The following LMNTD1 variants were observed in gnomAD, a reference collection of about 807,000 sequenced individuals.
The protein encoded by LMNTD1 is lamin tail domain containing 1.
A neutral mutation model predicts 50.9 loss-of-function variants in LMNTD1; 35 were observed. The ratio of observed to expected loss-of-function variants is 0.69; its 90% CI spans 0.53 to 0.91. LMNTD1 has a LOEUF of 0.91. Ranked by LOEUF, LMNTD1 falls within the 40% of genes least tolerant of loss-of-function variation. LMNTD1 has a pLI of 0.00. For missense variants in LMNTD1, 470 were observed against 475.5 expected, an observed-to-expected ratio of 0.99 and a Z score of 0.11; for synonymous variants, 153 against 161.9, an observed-to-expected ratio of 0.94 and a Z score of 0.42.
chr12:25,519,047 G>A, intron 7 of LMNTD1, 80 bp from the exon 8 acceptor site: 1 of 1,323,844 alleles, frequency 7.6e-7, no homozygotes, highest in Non-Finnish European at 1.1e-6. Flanking sequence ...AATTAAAGGG[G>A]AAGCATATTT....
chr12:25,641,130 C>T (rs1208993080), intron 1 of LMNTD1, among the ~76,000 whole-genome samples: 1 of 152,074 alleles, frequency 6.6e-6, no homozygotes, highest in Non-Finnish European at 1.5e-5. Context: ...ATGTACTCAA[C>T]CAGTATGTTT....
chr12:25,571,755 T>C (rs7968758), intron 1 of LMNTD1, among the ~76,000 whole-genome samples: 122,838 of 151,972 alleles, frequency 0.81, 51,689 homozygotes, highest in South Asian at 0.93. Flanking sequence ...CTGCAAGCTC[T>C]GCCTCCCGGG....
intron 1 of LMNTD1, among the ~76,000 whole-genome samples, chr12:25,621,836 G>A (rs761510076): frequency 7.2e-5 from 11 of 152,180 alleles, no homozygotes; most frequent in South Asian, 4.1e-4. Flanking sequence ...GAAGTGGGCC[G>A]TGGAGAAGAC....
chr12:25,612,326 A>ATGCG (rs1555122444), intron 1 of LMNTD1, among the ~76,000 whole-genome samples: 1 of 104,572 alleles, frequency 9.6e-6, no homozygotes, highest in Non-Finnish European at 2.2e-5. Context: ...ACACACACAC[A>ATGCG]CACGCGCTCC....
At chr12:25,519,587 C>CAAAA (rs58304861) in intron 7 of LMNTD1, among the ~76,000 whole-genome samples, 30 of 94,704 alleles carry the variant, frequency 3.2e-4, no homozygotes, top group Admixed American at 9.6e-4. Flanking sequence ...GACTCTGTCT[C>CAAAA]AAAAAAAAAA....
intron 6 of LMNTD1, among the ~76,000 whole-genome samples, chr12:25,523,390 TA>T (rs1941486072): frequency 6.6e-6 from 1 of 152,228 alleles, no homozygotes. Flanking sequence ...CTTACAAATA[TA>T]AAATATTATT....
chr12:25,641,467 G>A (rs188795482), intron 1 of LMNTD1, among the ~76,000 whole-genome samples: 4 of 152,128 alleles, frequency 2.6e-5, no homozygotes, highest in Admixed American at 2.6e-4. Flanking sequence ...TGTGACCTGA[G>A]GTAAGTATTT....
intron 1 of LMNTD1, among the ~76,000 whole-genome samples, chr12:25,579,806 C>T (rs544599061): frequency 6.6e-6 from 1 of 152,070 alleles, no homozygotes; most frequent in Non-Finnish European, 1.5e-5. Context: ...GCATCCATCC[C>T]CTTCTCTTTT....
chr12:25,567,471 T>G (rs902516416), intron 1 of LMNTD1, among the ~76,000 whole-genome samples: 3 of 152,224 alleles, frequency 2.0e-5, no homozygotes, highest in African/African-American at 7.2e-5. Flanking sequence ...TCTCATTTTA[T>G]TCTTATAATG....
At chr12:25,551,598 C>T (rs576224000) in intron 2 of LMNTD1, among the ~76,000 whole-genome samples, 1 of 152,120 alleles carries the variant, frequency 6.6e-6, no homozygotes, top group Admixed American at 6.5e-5. Context: ...GCTATGTTGC[C>T]CGGGCTGTCT....
rs1943848467 is a variant in LMNTD1 at position 25,552,864 on chromosome 12, T to C, written c.89+7A>G. 14 of 1,493,734 alleles carry C rather than the reference T, an allele frequency of 9.4e-6. No homozygotes were observed. Among genetic ancestry groups the C allele is most frequent in the Non-Finnish European group, 1.2e-5 (13 of 1,094,140 alleles). 92.5% of individuals were successfully genotyped at this position (1,493,734 alleles called of 1,614,324 possible). ...ACTCTGCTTCCATCGCATCTATGCA[T>C]GCTCACTGTTTTTGTTTCTCATTCT... On this transcript the variant is annotated splice_region_variant and intron_variant, in intron 2 of 9. Transcript: ENST00000458174.
At chr12:25,529,826 A>T (rs559456895) in intron 4 of LMNTD1, among the ~76,000 whole-genome samples, 3 of 152,216 alleles carry the variant, frequency 2.0e-5, no homozygotes, top group African/African-American at 7.2e-5. Flanking sequence ...CACAGCACTC[A>T]AACAAAGCCC....
chr12:25,630,926 G>A (rs1056469769), intron 1 of LMNTD1, among the ~76,000 whole-genome samples: 14 of 152,108 alleles, frequency 9.2e-5, no homozygotes, highest in African/African-American at 2.9e-4. Context: ...AGCCTGTCTC[G>A]CCCACTGGCC....
intron 1 of LMNTD1, among the ~76,000 whole-genome samples, chr12:25,635,577 T>C (rs1445207398): frequency 2.0e-5 from 3 of 152,094 alleles, no homozygotes; most frequent in Non-Finnish European, 4.4e-5. Flanking sequence ...AATCTACAAA[T>C]TCAAGGCAAT....
intron 8 of LMNTD1, among the ~76,000 whole-genome samples, chr12:25,510,085 A>G (rs944398692): frequency 6.6e-6 from 1 of 152,144 alleles, no homozygotes; most frequent in Non-Finnish European, 1.5e-5. Flanking sequence ...CAACATCGGT[A>G]TTATTTTGTG....
intron 9 of LMNTD1, among the ~76,000 whole-genome samples, chr12:25,493,905 T>C (rs71450486): frequency 0.17 from 26,003 of 152,012 alleles, 2,794 homozygotes; most frequent in East Asian, 0.5. Context: ...CTTAGGCCAC[T>C]CACCCTTGGA....
At chr12:25,639,116 C>G (rs569348312) in intron 1 of LMNTD1, among the ~76,000 whole-genome samples, 56 of 152,180 alleles carry the variant, frequency 3.7e-4, no homozygotes, top group Middle Eastern at 3.4e-3. Context: ...TATCTACATG[C>G]AAATGAATGA....
At chr12:25,585,553 T>C (rs1482247332) in intron 1 of LMNTD1, among the ~76,000 whole-genome samples, 1 of 152,210 alleles carries the variant, frequency 6.6e-6, no homozygotes, top group Middle Eastern at 3.2e-3. Context: ...AGTAATCCTT[T>C]TCCCCCCAGG....
chr12:25,636,383 G>T (rs1592127263), intron 1 of LMNTD1, among the ~76,000 whole-genome samples: 1 of 152,112 alleles, frequency 6.6e-6, no homozygotes, highest in Admixed American at 6.5e-5. Flanking sequence ...ATGAAAAAAT[G>T]CTCAACATCA....
Sources: allele counts gnomAD v4.1 joint callset (sites outside exome capture counted in the v4.1 genomes callset), GRCh38; gene constraint gnomAD v4.1.1; transcripts MANE v1.5; gene names NCBI Gene and HGNC (gene_info 2026-07-23, HGNC 2026-07-21).